Variants in GARS1 observed in about 807,000 individuals in gnomAD.
The protein encoded by GARS1 is glycine--tRNA ligase.
Under a neutral mutation model 86.4 loss-of-function variants are expected in GARS1, and 46 were observed. That is an observed-to-expected ratio of 0.53 (90% CI 0.42 to 0.68). The LOEUF is 0.68. Ranked by LOEUF, GARS1 falls within the 30% of genes least tolerant of loss-of-function variation. The pLI is 0.00. For missense variants in GARS1, 797 were observed against 915.6 expected, an observed-to-expected ratio of 0.87 and a Z score of 1.67; for synonymous variants, 342 against 329.8, an observed-to-expected ratio of 1.04 and a Z score of -0.40.
At chr7:30,624,307 T>C (rs945901214) in intron 12 of GARS1, among the ~76,000 whole-genome samples, 7 of 152,278 alleles carry the variant, frequency 4.6e-5, no homozygotes, top group African/African-American at 1.7e-4. Flanking sequence ...GGCAGAAGTA[T>C]GAAAGTTTAG....
rs756664556 is a variant in GARS1 at position 30,594,980 on chromosome 7, T to C, written c.59T>C (p.Leu20Pro). Residue 20 changes from leucine (L) to proline (P), a missense_variant, in exon 1 of 17, where the codon CTG becomes CCG. This residue lies in a region of GARS1 where 199 missense variants were observed against 176.9 expected (regional missense o/e 1.12). Transcript: ENST00000389266. Reference protein sequence around the residue: ...RGARAALLLLLPPRLLARPSL... With the variant: ...RGARAALLLLPPPRLLARPSL... Reference sequence around the variant, plus strand: ...GCTCGCGCCGCTCTGCTGCTGCTGCTGCCGCCCCGGCTCTTAGCCCGACCC... The same window carrying C: ...GCTCGCGCCGCTCTGCTGCTGCTGCCGCCGCCCCGGCTCTTAGCCCGACCC... The C allele has an allele frequency of 9.4e-6, 15 of 1,594,000 alleles. No individual in the cohort carries two copies. In the African/African-American group the frequency reaches 1.2e-4, roughly 13 times the overall value.
rs371135117 is a variant in GARS1 at position 30,622,207 on chromosome 7, TA to T, written c.1468-109del. The T allele has an allele frequency of 2.4e-4, 305 of 1,272,350 alleles. No individual in the cohort carries two copies. The African/African-American group carries it at 3.2e-3, about 13-fold the overall frequency. The allele number at this position is 1,272,350 out of a possible 1,614,324, so 78.8% of individuals were successfully genotyped here. A position where few individuals can be genotyped will look rare whatever the true frequency, so the allele number is the denominator to read the frequency against. On this transcript the variant is annotated intron_variant, in intron 11 of 16. Transcript: ENST00000389266. ...AAATCAGCATAAACAGGATCTGGAG[TA>T]CTGATAGAGAGCTGGCATGGTTTTA...
intron 10 of GARS1, 149 bp downstream of exon 10, chr7:30,617,427 C>T: frequency 1.1e-6 from 1 of 928,232 alleles, no homozygotes; most frequent in South Asian, 1.5e-5. Flanking sequence ...AAGCAGTTGC[C>T]TCCTGCCTTT....
At chr7:30,615,194 T>G (rs1056852214) in intron 8 of GARS1, among the ~76,000 whole-genome samples, 6 of 152,232 alleles carry the variant, frequency 3.9e-5, no homozygotes, top group Admixed American at 6.5e-5. Flanking sequence ...GAATAACACT[T>G]TATTTAAGAA....
chr7:30,605,773 T>C (rs1208973823), intron 6 of GARS1, among the ~76,000 whole-genome samples: 2 of 152,182 alleles, frequency 1.3e-5, no homozygotes, highest in African/African-American at 4.8e-5. Flanking sequence ...CCTTTAAAAA[T>C]AAAGGATTTA....
chr7:30,595,287 TC>T, intron 1 of GARS1, 144 bp downstream of exon 1: 1 of 839,652 alleles, frequency 1.2e-6, no homozygotes, highest in Non-Finnish European at 1.9e-6. Context: ...CTTCTTCGCC[TC>T]CCCCACTTTG....
At chr7:30,594,787 C>A (rs1393969097), upstream of GARS1, 2 of 741,454 alleles carry the variant, frequency 2.7e-6, no homozygotes, top group East Asian at 5.7e-5. Flanking sequence ...CGACCCGGCG[C>A]CGCGTCACGC....
rs111934382 is a variant in GARS1, at chr7:30,621,091, T to C, written c.1360-302T>C. Among the ~76,000 whole-genome samples the C allele has an allele frequency of 1.8e-3, 276 of 151,364 alleles. 1 individual carries two copies. Among genetic ancestry groups the C allele is most frequent in the Non-Finnish European group, 3.0e-3 (205 of 67,820 alleles). On this transcript the variant is annotated intron_variant, in intron 10 of 16. Transcript: ENST00000389266. ...TTTTTTAAGATAGGGTCTCACTGTG[T>C]TGCCCAGATTGGTCTCAAACTCCTG... is the stretch of plus-strand genomic sequence containing the variant.
intron 6 of GARS1, among the ~76,000 whole-genome samples, chr7:30,604,472 T>C (rs1156628012): frequency 6.6e-6 from 1 of 152,212 alleles, no homozygotes; most frequent in African/African-American, 2.4e-5. Context: ...CTCCCTAATA[T>C]GTTGTTTTTC....
intron 2 of GARS1, 54 bp from the exon 3 acceptor site, chr7:30,599,893 T>C (rs1791337548): frequency 3.5e-6 from 4 of 1,153,590 alleles, no homozygotes; most frequent in Non-Finnish European, 5.2e-6. Context: ...GATATATAAG[T>C]TCAGATTCCC....
chr7:30,624,795 C>T (rs13228097), intron 12 of GARS1, among the ~76,000 whole-genome samples: 4 of 152,180 alleles, frequency 2.6e-5, no homozygotes, highest in Admixed American at 2.0e-4. Flanking sequence ...AAACATTTCT[C>T]GTCTTCCAGA....
rs10280491 is a variant in GARS1 at position 30,601,373 on chromosome 7, T to C, written c.569+173T>C. ...TGTATACCTTCTGCTCACAGATAGC[T>C]ATGTTAAGATGATTGTGTTTGTCCT... On this transcript the variant is annotated intron_variant, in intron 4 of 16. Transcript: ENST00000389266. Among the ~76,000 whole-genome samples, 17,839 of 152,278 alleles carry C rather than the reference T, an allele frequency of 0.12. 2,170 individuals are homozygous for C. Among genetic ancestry groups the C allele is most frequent in the African/African-American group, 0.32 (13,112 of 41,504 alleles).
Position 30,603,883 on chromosome 7 carries a change from C to T in GARS1, c.735+311C>T, listed in dbSNP as rs1356987788. 2.0e-5 allele frequency among the ~76,000 whole-genome samples: 3 copies of T among 152,218 alleles called. No homozygotes were observed. The East Asian group carries it at 5.8e-4, about 29-fold the overall frequency. On this transcript the variant is annotated intron_variant, in intron 6 of 16. Transcript: ENST00000389266. ...GTGACTGATGATGGGTAGTGTTCAG[C>T]ACTGGTGTGGAGACTTCGGGGCAGA... is the stretch of plus-strand genomic sequence containing the variant.
intron 13 of GARS1, among the ~76,000 whole-genome samples, chr7:30,627,652 A>G (rs1194704738): frequency 6.6e-6 from 1 of 152,204 alleles, no homozygotes; most frequent in East Asian, 1.9e-4. Context: ...GAGCCCCTGT[A>G]AGATGTCTTT....
intron 10 of GARS1, among the ~76,000 whole-genome samples, chr7:30,620,887 TC>T (rs1179430425): frequency 1.3e-5 from 2 of 152,218 alleles, no homozygotes; most frequent in African/African-American, 2.4e-5. Flanking sequence ...TGATTTCTGT[TC>T]ACAAATTTGA....
intron 8 of GARS1, among the ~76,000 whole-genome samples, chr7:30,612,569 A>G (rs1005002947): frequency 6.3e-5 from 9 of 142,866 alleles, no homozygotes; most frequent in South Asian, 2.5e-4. Flanking sequence ...AACCAAGGCA[A>G]TACTGGCAAT....
At chr7:30,595,618 C>G (rs979805489) in intron 1 of GARS1, among the ~76,000 whole-genome samples, 1 of 152,190 alleles carries the variant, frequency 6.6e-6, no homozygotes, top group Non-Finnish European at 1.5e-5. Context: ...CCGGTTCTTT[C>G]GTCTTACGGC....
intron 4 of GARS1, among the ~76,000 whole-genome samples, chr7:30,601,790 T>C (rs1791382570): frequency 6.6e-6 from 1 of 151,900 alleles, no homozygotes; most frequent in African/African-American, 2.4e-5. Context: ...CCTTTTTTTG[T>C]GTGTGTGAGA....
chr7:30,621,521 A>C, intron 11 of GARS1, 21 bp downstream of exon 11: 2 of 1,555,806 alleles, frequency 1.3e-6, no homozygotes, highest in East Asian at 4.5e-5. Context: ...TGGTCACTCC[A>C]AAAACTCAGG....
Sources: gnomAD v4.1 joint callset for allele counts (sites outside exome capture counted in the v4.1 genomes callset) on GRCh38, gnomAD v4.1.1 for gene constraint, gnomAD v4.1.1 regional missense constraint, MANE v1.5 for transcripts, NCBI Gene and HGNC (gene_info 2026-07-23, HGNC 2026-07-21) for gene names.